The following TMCO1 variants were observed in gnomAD, a reference collection of about 807,000 sequenced individuals.
TMCO1 encodes the protein transmembrane and coiled-coil domains 1, also known as calcium load-activated calcium channel.
A neutral mutation model predicts 29.3 loss-of-function variants in TMCO1; 29 were observed. That is an observed-to-expected ratio of 0.99 (90% CI 0.74 to 1.35). The LOEUF (loss-of-function observed/expected upper bound fraction) is 1.35, where lower values mean the gene tolerates loss of function less well. Ranked by LOEUF, TMCO1 falls within the 40% of genes most tolerant of loss-of-function variation. The probability of loss-of-function intolerance (pLI) is 0.00; values close to 1 mark genes in which losing one functional copy is unlikely to be tolerated. For missense variants in TMCO1, 173 were observed against 225.5 expected (o/e 0.77, Z 1.49); for synonymous variants, 80 against 77.1 (o/e 1.04, Z -0.20).
intron 4 of TMCO1, among the ~76,000 whole-genome samples, chr1:165,753,458 G>A (rs543980373): frequency 5.4e-4 from 61 of 112,866 alleles, no homozygotes; most frequent in African/African-American, 2.0e-3. Flanking sequence ...TGGTAATAGA[G>A]CAAGACTCTG....
intron 1 of TMCO1, 193 bp downstream of exon 1, chr1:165,768,489 C>CA (rs1558045557): frequency 6.5e-7 from 1 of 1,543,366 alleles, no homozygotes; most frequent in Non-Finnish European, 8.7e-7. Flanking sequence ...TACCTGAGAC[C>CA]AAAGAAAACT....
chr1:165,731,928 A>G (rs2101787653), intron 6 of TMCO1, among the ~76,000 whole-genome samples: 1 of 152,388 alleles, frequency 6.6e-6, no homozygotes, highest in South Asian at 2.1e-4. Context: ...GTATTTTAAC[A>G]CAAACATTCT....
In TMCO1 at chr1:165,726,920, T is replaced by C. The variant is rs1489169243; in HGVS notation, c.*1103A>G. 2.2e-6 allele frequency: 1 copy of C among 453,988 alleles called. No individual in the cohort carries two copies. The highest frequency in any genetic ancestry group is 6.9e-5 in the East Asian group (1 of 14,414). The allele number at this position is 453,988 out of a possible 1,614,324, so 28.1% of individuals were successfully genotyped here. A position where few individuals can be genotyped will look rare whatever the true frequency, so the allele number is the denominator to read the frequency against. The stretch of plus-strand genomic sequence containing the variant: ...TGTCTTCTGGACTTTATGGTGCTGA[T>C]AAGAAAGAAGTTTGCTGTTGGTTTA... On this transcript the variant is annotated 3_prime_UTR_variant, in exon 7 of 7. Coordinates refer to ENST00000367881, the MANE Select transcript of TMCO1 (RefSeq NM_019026.6).
chr1:165,743,676 C>T (rs556491638), intron 5 of TMCO1, among the ~76,000 whole-genome samples: 12 of 151,968 alleles, frequency 7.9e-5, no homozygotes, highest in South Asian at 4.2e-4. Context: ...TTTTTTGAGA[C>T]GGAGTCTTGC....
intron 2 of TMCO1, among the ~76,000 whole-genome samples, chr1:165,761,520 G>A (rs979786293): frequency 2.6e-5 from 4 of 151,852 alleles, no homozygotes; most frequent in African/African-American, 9.7e-5. Context: ...ATGCGAGAGC[G>A]AGACCCTGTC....
intron 2 of TMCO1, among the ~76,000 whole-genome samples, chr1:165,766,257 A>T (rs1652563129): frequency 1.3e-5 from 2 of 152,200 alleles, no homozygotes. Flanking sequence ...TCAATTTGGG[A>T]CGTGTTGGGA....
At position 165,741,792 on chromosome 1, in the gene TMCO1, C is replaced by T. The variant is rs567303741; in HGVS notation, c.468+1375G>A. Among the ~76,000 whole-genome samples, 23 of 152,234 alleles carry T rather than the reference C, an allele frequency of 1.5e-4. No individual in the cohort carries two copies. The South Asian group carries it at 3.7e-3, about 25-fold the overall frequency. On this transcript the variant is annotated intron_variant, in intron 6 of 6. Transcript: ENST00000367881. ...TCTTGTGATAGTGAGTGAGTTCTCA[C>T]GAGATCTGGTTGTTTAAAAGTGTGT...
chr1:165,736,026 G>C (rs1251547768), intron 6 of TMCO1, among the ~76,000 whole-genome samples: 1 of 152,148 alleles, frequency 6.6e-6, no homozygotes, highest in Admixed American at 6.5e-5. Flanking sequence ...GAGGTGATTA[G>C]GTTATGAGGG....
At chr1:165,764,266 T>C (rs1332610703) in intron 2 of TMCO1, among the ~76,000 whole-genome samples, 1 of 152,242 alleles carries the variant, frequency 6.6e-6, no homozygotes, top group Non-Finnish European at 1.5e-5. Context: ...ATTTATTAAA[T>C]ACACATTTAT....
intron 6 of TMCO1, among the ~76,000 whole-genome samples, chr1:165,737,486 C>T (rs1651433912): frequency 6.6e-6 from 1 of 152,076 alleles, no homozygotes; most frequent in South Asian, 2.1e-4. Context: ...ATTGAAATTT[C>T]CCTACATTTA....
chr1:165,739,739 T>A (rs1256302322), intron 6 of TMCO1, among the ~76,000 whole-genome samples: 2 of 152,092 alleles, frequency 1.3e-5, no homozygotes, highest in African/African-American at 4.8e-5. Context: ...ACTCTACAGT[T>A]TTAGATGGTG....
chr1:165,746,901 A>T, intron 5 of TMCO1, among the ~76,000 whole-genome samples: 1 of 152,198 alleles, frequency 6.6e-6, no homozygotes, highest in African/African-American at 2.4e-5. Flanking sequence ...TATCTAGAAA[A>T]CTAGAGAATC....
At chr1:165,740,422 G>A (rs1482748311) in intron 6 of TMCO1, among the ~76,000 whole-genome samples, 1 of 151,692 alleles carries the variant, frequency 6.6e-6, no homozygotes, top group Non-Finnish European at 1.5e-5. Context: ...AGCCAGGATG[G>A]TCTCGATCTC....
chr1:165,743,970 C>T (rs1651696322), intron 5 of TMCO1, among the ~76,000 whole-genome samples: 1 of 151,926 alleles, frequency 6.6e-6, no homozygotes. Flanking sequence ...AGCGATTCTC[C>T]TGCCTCAGCC....
intron 5 of TMCO1, among the ~76,000 whole-genome samples, chr1:165,748,672 G>C (rs964987123): frequency 5.3e-5 from 8 of 152,162 alleles, no homozygotes; most frequent in African/African-American, 1.9e-4. Context: ...TGCTTTCACA[G>C]GGAACACAAT....
chr1:165,742,169 C>A (rs1651620259), intron 6 of TMCO1, among the ~76,000 whole-genome samples: 1 of 152,192 alleles, frequency 6.6e-6, no homozygotes, highest in Non-Finnish European at 1.5e-5. Flanking sequence ...GCAAACCTTT[C>A]CACTACAAAG....
intron 6 of TMCO1, among the ~76,000 whole-genome samples, chr1:165,742,293 C>T (rs988727335): frequency 6.6e-6 from 1 of 151,950 alleles, no homozygotes; most frequent in Admixed American, 6.5e-5. Context: ...GACAGGGTCC[C>T]GCTCTGCTGC....
At chr1:165,745,347 T>C (rs1278753790) in intron 5 of TMCO1, among the ~76,000 whole-genome samples, 4 of 150,164 alleles carry the variant, frequency 2.7e-5, no homozygotes, top group Non-Finnish European at 5.9e-5. Flanking sequence ...GTATCCCTTA[T>C]AGTCTTGGCC....
chr1:165,743,912 G>C (rs1651693954), intron 5 of TMCO1, among the ~76,000 whole-genome samples: 1 of 150,630 alleles, frequency 6.6e-6, no homozygotes, highest in African/African-American at 2.4e-5. Context: ...TCAGGCCAGA[G>C]TGCAGTGTCG....
Sources: gnomAD v4.1 joint callset for allele counts (sites outside exome capture counted in the v4.1 genomes callset) on GRCh38, gnomAD v4.1.1 for gene constraint, MANE v1.5 for transcripts, NCBI Gene and HGNC (gene_info 2026-07-23, HGNC 2026-07-21) for gene names.